The following MTSS1 variants were observed in gnomAD, a reference collection of about 807,000 sequenced individuals.
MTSS1 encodes the protein protein MTSS 1.
Under a neutral mutation model 79.0 loss-of-function variants are expected in MTSS1, and 18 were observed. That is an observed-to-expected ratio of 0.23 (90% CI 0.16 to 0.34). The LOEUF is 0.34. MTSS1 is among the 10% of genes least tolerant of loss of function. MTSS1 has a pLI of 1.00. For missense variants in MTSS1, 815 were observed against 986.2 expected (o/e 0.83, Z 2.33); for synonymous variants, 341 against 368.6 (o/e 0.93, Z 0.86).
intron 1 of MTSS1, among the ~76,000 whole-genome samples, chr8:124,717,379 C>T (rs1832209842): frequency 6.6e-6 from 1 of 152,124 alleles, no homozygotes; most frequent in Non-Finnish European, 1.5e-5. Context: ...GTCTATAGTC[C>T]TAGCTACTTG....
rs1382968658 is a variant in MTSS1 at position 124,591,249 on chromosome 8, A to G, written c.209-14T>C. The G allele has an allele frequency of 1.2e-6, 2 of 1,611,428 alleles. No individual in the cohort carries two copies. Among genetic ancestry groups the G allele is most frequent in the African/African-American group, 2.7e-5 (2 of 74,888 alleles). On this transcript the variant is annotated splice_polypyrimidine_tract_variant and intron_variant, in intron 3 of 13. Coordinates refer to ENST00000518547, the MANE Select transcript of MTSS1 (RefSeq NM_014751.6). ...CCCTGGTCCCACCTGAAAAAGCAAC[A>G]GAGGCAAAGGTGAGGGATAGAAGAC...
intron 7 of MTSS1, chr8:124,567,516 TG>T: frequency 1.0e-6 from 1 of 977,890 alleles, no homozygotes; most frequent in Non-Finnish European, 1.4e-6. Context: ...CTTCATACTG[TG>T]GCCCTTTTCT....
intron 6 of MTSS1, among the ~76,000 whole-genome samples, chr8:124,583,187 G>C (rs944426564): frequency 6.6e-6 from 1 of 152,174 alleles, no homozygotes; most frequent in Admixed American, 6.5e-5. Flanking sequence ...TGAGAAGACA[G>C]ATGCTTCAGA....
At chr8:124,558,979 G>T in intron 10 of MTSS1, 1 of 1,152,638 alleles carries the variant, frequency 8.7e-7, no homozygotes, top group South Asian at 2.0e-5. Flanking sequence ...CAGAAGAGGG[G>T]AGGATGAGAG....
intron 3 of MTSS1, among the ~76,000 whole-genome samples, chr8:124,632,731 A>G (rs111939069): frequency 0.028 from 4,270 of 152,250 alleles, 174 homozygotes; most frequent in African/African-American, 0.097. Context: ...GCAGTTGCAC[A>G]ATCTCAGCTC....
intron 1 of MTSS1, among the ~76,000 whole-genome samples, chr8:124,724,097 G>C (rs139722692): frequency 3.3e-5 from 5 of 152,274 alleles, no homozygotes; most frequent in Non-Finnish European, 7.3e-5. Context: ...CAGCAAGGAA[G>C]TGTATCTCTC....
At chr8:124,634,111 ATT>A (rs757857502) in intron 3 of MTSS1, among the ~76,000 whole-genome samples, 5 of 143,602 alleles carry the variant, frequency 3.5e-5, no homozygotes, top group African/African-American at 7.6e-5. Flanking sequence ...TTTATTTTTA[ATT>A]TTTTTTTTTT....
chr8:124,658,355 T>C (rs1163134217), intron 3 of MTSS1, among the ~76,000 whole-genome samples: 1 of 152,200 alleles, frequency 6.6e-6, no homozygotes, highest in African/African-American at 2.4e-5. Context: ...CATTCTCTCT[T>C]GCCTGCCACC....
intron 11 of MTSS1, chr8:124,556,663 C>CA (rs1275282271): frequency 2.0e-6 from 1 of 504,626 alleles, no homozygotes; most frequent in East Asian, 3.4e-5. Flanking sequence ...CAGGTGGCAG[C>CA]AGGAGACCCG....
Position 124,555,977 on chromosome 8 carries a change from G to A in MTSS1, c.1405-73C>T, listed in dbSNP as rs749894387. ...TCAACAGCACTCCTGTTCTGCCCCC[G>A]TGAGCACTACATGTCTGTGGGGCCA... On this transcript the variant is annotated intron_variant, in intron 12 of 13. Coordinates refer to ENST00000518547, the MANE Select transcript of MTSS1 (RefSeq NM_014751.6). The A allele has an allele frequency of 5.0e-5, 79 of 1,574,708 alleles. 1 individual carries two copies. The South Asian group carries it at 7.1e-4, about 14-fold the overall frequency.
At chr8:124,655,646 C>T (rs2134256363) in intron 3 of MTSS1, among the ~76,000 whole-genome samples, 1 of 152,332 alleles carries the variant, frequency 6.6e-6, no homozygotes, top group Admixed American at 6.5e-5. Flanking sequence ...TACAGCCACA[C>T]CCATAATACA....
At chr8:124,653,139 G>T (rs1820308627) in intron 3 of MTSS1, among the ~76,000 whole-genome samples, 1 of 152,196 alleles carries the variant, frequency 6.6e-6, no homozygotes. Flanking sequence ...AGATGGGAAA[G>T]AAACTGAGGA....
chr8:124,704,513 A>G (rs1830137309), intron 1 of MTSS1, among the ~76,000 whole-genome samples: 1 of 152,182 alleles, frequency 6.6e-6, no homozygotes. Context: ...ACCCTGAACC[A>G]CTTGTTCATG....
At chr8:124,718,138 G>A (rs1201726729) in intron 1 of MTSS1, among the ~76,000 whole-genome samples, 15 of 140,534 alleles carry the variant, frequency 1.1e-4, no homozygotes, top group Admixed American at 7.2e-4. Context: ...CTCATCAAGC[G>A]CTTGTGGGTG....
intron 3 of MTSS1, among the ~76,000 whole-genome samples, chr8:124,656,800 GAAAAAAGAA>G (rs1821042732): frequency 1.5e-5 from 2 of 136,096 alleles, no homozygotes; most frequent in Non-Finnish European, 3.2e-5. Context: ...AAAAAAAAAA[GAAAAAAGAA>G]AAAAAGGAAA....
At chr8:124,659,519 A>G (rs1356507581) in intron 3 of MTSS1, among the ~76,000 whole-genome samples, 3 of 152,162 alleles carry the variant, frequency 2.0e-5, no homozygotes, top group Non-Finnish European at 4.4e-5. Context: ...TAAAAATCAC[A>G]TGGCGCTGCT....
At chr8:124,562,730 T>C in intron 10 of MTSS1, 52 bp downstream of exon 10, 1 of 1,548,682 alleles carries the variant, frequency 6.5e-7, no homozygotes, top group Non-Finnish European at 8.9e-7. Flanking sequence ...CCACTGACAG[T>C]GGTCAGGACA....
intron 3 of MTSS1, among the ~76,000 whole-genome samples, chr8:124,630,410 G>A (rs1230306236): frequency 2.6e-5 from 4 of 152,250 alleles, no homozygotes; most frequent in African/African-American, 9.6e-5. Context: ...ACCTGAAAGA[G>A]GAGGTGGAGA....
intron 12 of MTSS1, 33 bp from the exon 13 acceptor site, chr8:124,555,937 CT>C (rs762475177): frequency 6.4e-7 from 1 of 1,566,448 alleles, no homozygotes; most frequent in Non-Finnish European, 8.6e-7. Context: ...ACACAGGTTG[CT>C]TTAGGGGGGG....
Sources: gnomAD v4.1 joint callset for allele counts (sites outside exome capture counted in the v4.1 genomes callset) on GRCh38, gnomAD v4.1.1 for gene constraint, MANE v1.5 for transcripts, NCBI Gene and HGNC (gene_info 2026-07-23, HGNC 2026-07-21) for gene names.